The following GALNT13 variants were observed in gnomAD, a reference collection of about 807,000 sequenced individuals.
GALNT13 encodes the protein polypeptide N-acetylgalactosaminyltransferase 13.
GALNT13 carries 28 observed loss-of-function variants against 64.2 expected under a neutral mutation model. That is an observed-to-expected ratio of 0.44 (90% CI 0.32 to 0.60). GALNT13 has a LOEUF of 0.60. GALNT13 is among the 20% of genes least tolerant of loss of function. GALNT13 has a pLI of 0.05. For synonymous variants in GALNT13, 214 were observed against 224.6 expected, an observed-to-expected ratio of 0.95 and a Z score of 0.42; for missense variants, 577 against 669.8, an observed-to-expected ratio of 0.86 and a Z score of 1.53.
At chr2:153,590,969 G>GA in the GALNT13 span, among the ~76,000 whole-genome samples, 41,464 of 151,836 alleles carry the variant, frequency 0.27, 6,039 homozygotes, top group South Asian at 0.43. Flanking sequence ...CTTAGCCAGA[G>GA]AAATCAGGTA....
intron 2 of GALNT13, among the ~76,000 whole-genome samples, chr2:153,903,747 A>G (rs1688383551): frequency 1.3e-5 from 2 of 151,962 alleles, no homozygotes; most frequent in African/African-American, 2.4e-5. Flanking sequence ...CTATTTTTCA[A>G]TTTCACCTAC....
At chr2:153,236,404 A>G in the GALNT13 span, among the ~76,000 whole-genome samples, 5 of 152,130 alleles carry the variant, frequency 3.3e-5, no homozygotes, top group African/African-American at 1.2e-4. Flanking sequence ...TAGCTAGAGA[A>G]GAGAAGTCAG....
At chr2:153,465,747 T>A in the GALNT13 span, among the ~76,000 whole-genome samples, 2 of 151,936 alleles carry the variant, frequency 1.3e-5, no homozygotes, top group Admixed American at 6.6e-5. Context: ...GAGTGTAACT[T>A]CTGGACAAAT....
the GALNT13 span, among the ~76,000 whole-genome samples, chr2:153,582,392 A>T: frequency 1.5e-3 from 233 of 152,230 alleles, no homozygotes; most frequent in African/African-American, 5.5e-3. Context: ...GAACCATTCA[A>T]ATACCTGAGC....
At chr2:153,126,585 A>T in the GALNT13 span, among the ~76,000 whole-genome samples, 2 of 152,010 alleles carry the variant, frequency 1.3e-5, no homozygotes, top group Non-Finnish European at 2.9e-5. Context: ...CCACTATGCC[A>T]CACTGCCTCT....
At chr2:153,586,296 A>G in the GALNT13 span, among the ~76,000 whole-genome samples, 20 of 152,328 alleles carry the variant, frequency 1.3e-4, no homozygotes, top group Admixed American at 4.6e-4. Flanking sequence ...TATGCAGCTT[A>G]CAAGAAACTG....
chr2:153,819,895 G>T, the GALNT13 span, among the ~76,000 whole-genome samples: 8 of 152,192 alleles, frequency 5.3e-5, no homozygotes, highest in Admixed American at 2.0e-4. Context: ...TAGCTCTTCA[G>T]CAGTGGGTCC....
the GALNT13 span, among the ~76,000 whole-genome samples, chr2:153,303,610 C>T: frequency 6.6e-6 from 1 of 152,110 alleles, no homozygotes; most frequent in African/African-American, 2.4e-5. Context: ...TAAGAGTAGG[C>T]ATCCTTGTCT....
the GALNT13 span, among the ~76,000 whole-genome samples, chr2:153,557,006 T>C: frequency 6.6e-6 from 1 of 152,204 alleles, no homozygotes; most frequent in Non-Finnish European, 1.5e-5. Context: ...CTAGTTTACT[T>C]TGAATGTTCC....
intron 8 of GALNT13, among the ~76,000 whole-genome samples, chr2:154,261,373 GC>G (rs1279227578): frequency 1.3e-5 from 2 of 151,966 alleles, no homozygotes. Flanking sequence ...TATGTATTTT[GC>G]TTTTTATTAG....
At chr2:153,817,164 TC>T in the GALNT13 span, among the ~76,000 whole-genome samples, 1 of 152,194 alleles carries the variant, frequency 6.6e-6, no homozygotes, top group African/African-American at 2.4e-5. Flanking sequence ...CAATGACTCT[TC>T]CTCGGTGTAA....
chr2:154,310,382 C>T (rs1446510255), intron 9 of GALNT13, among the ~76,000 whole-genome samples: 1 of 152,070 alleles, frequency 6.6e-6, no homozygotes, highest in Non-Finnish European at 1.5e-5. Context: ...TCACCATTAC[C>T]ATGTATCCTT....
At chr2:154,153,872 C>T (rs1684229975) in intron 4 of GALNT13, among the ~76,000 whole-genome samples, 1 of 152,224 alleles carries the variant, frequency 6.6e-6, no homozygotes. Context: ...CTCCCTGACC[C>T]CTTGCGCTTC....
chr2:154,309,971 C>T (rs1356707601), intron 9 of GALNT13, among the ~76,000 whole-genome samples: 1 of 152,204 alleles, frequency 6.6e-6, no homozygotes, highest in African/African-American at 2.4e-5. Context: ...ACTTTCTTCC[C>T]AAGAATTCCA....
the GALNT13 span, among the ~76,000 whole-genome samples, chr2:153,231,962 CT>C: frequency 1.1e-4 from 17 of 152,222 alleles, no homozygotes; most frequent in East Asian, 2.9e-3. Flanking sequence ...CATATGCCTT[CT>C]TATTTTTTGT....
intron 11 of GALNT13, among the ~76,000 whole-genome samples, chr2:154,411,569 T>G (rs956972818): frequency 6.6e-6 from 1 of 151,760 alleles, no homozygotes; most frequent in Non-Finnish European, 1.5e-5. Context: ...ATCTCATTTA[T>G]GAAAAAATAT....
chr2:153,856,393 C>T, the GALNT13 span, among the ~76,000 whole-genome samples: 1 of 152,046 alleles, frequency 6.6e-6, no homozygotes, highest in East Asian at 1.9e-4. Context: ...ATTTTTAACA[C>T]ACGTGATCAA....
chr2:153,736,676 A>C, the GALNT13 span, among the ~76,000 whole-genome samples: 1 of 152,116 alleles, frequency 6.6e-6, no homozygotes. Flanking sequence ...TCTATTGTTA[A>C]AACTTTAGGT....
intron 12 of GALNT13, chr2:154,446,653 C>A: frequency 6.5e-7 from 1 of 1,548,662 alleles, no homozygotes; most frequent in Non-Finnish European, 8.7e-7. Flanking sequence ...ACTGTGGAAA[C>A]CTGTAATGAT....
Sources: allele counts gnomAD v4.1 joint callset (sites outside exome capture counted in the v4.1 genomes callset), GRCh38; gene constraint gnomAD v4.1.1; transcripts MANE v1.5; gene names NCBI Gene and HGNC (gene_info 2026-07-23, HGNC 2026-07-21).